Variants in THSD4 observed in about 807,000 individuals in gnomAD.
The protein encoded by THSD4 is thrombospondin type 1 domain containing 4, also known as thrombospondin type-1 domain-containing protein 4.
Under a neutral mutation model 119.0 loss-of-function variants are expected in THSD4, and 69 were observed. The observed-to-expected ratio is 0.58, with a 90% CI of 0.48 to 0.71. The LOEUF (loss-of-function observed/expected upper bound fraction) is 0.71, where lower values mean the gene tolerates loss of function less well. Ranked by LOEUF, THSD4 falls within the 30% of genes least tolerant of loss-of-function variation. THSD4 has a pLI of 0.00. For synonymous variants in THSD4, 524 were observed against 540.4 expected, an observed-to-expected ratio of 0.97 and a Z score of 0.42; for missense variants, 1,393 against 1,391.1, an observed-to-expected ratio of 1.00 and a Z score of -0.02.
intron 6 of THSD4, among the ~76,000 whole-genome samples, chr15:71,280,847 A>G (rs76149902): frequency 0.054 from 8,282 of 152,222 alleles, 516 homozygotes; most frequent in African/African-American, 0.15. Context: ...CTGTGAATGG[A>G]CTACATTACT....
chr15:71,111,912 G>A (rs1287343345), upstream of THSD4: 9 of 563,018 alleles, frequency 1.6e-5, no homozygotes, highest in East Asian at 3.0e-5. Context: ...AGGATTCCAC[G>A]TCAAATACAT....
At chr15:71,281,659 G>T (rs535030388) in intron 6 of THSD4, among the ~76,000 whole-genome samples, 3 of 152,176 alleles carry the variant, frequency 2.0e-5, no homozygotes, top group Non-Finnish European at 4.4e-5. Flanking sequence ...AATTCAGTGC[G>T]TATGACTGTT....
chr15:71,477,550 G>C (rs1354732649), intron 7 of THSD4, among the ~76,000 whole-genome samples: 1 of 152,208 alleles, frequency 6.6e-6, no homozygotes, highest in Non-Finnish European at 1.5e-5. Flanking sequence ...TATGCTGCAT[G>C]TTATGGAAAA....
chr15:71,483,262 A>T (rs998903534), intron 7 of THSD4, among the ~76,000 whole-genome samples: 1 of 152,136 alleles, frequency 6.6e-6, no homozygotes, highest in African/African-American at 2.4e-5. Flanking sequence ...CAATACCTCA[A>T]TTCTTCTTGA....
intron 7 of THSD4, among the ~76,000 whole-genome samples, chr15:71,523,101 G>T (rs947329514): frequency 2.6e-5 from 4 of 152,204 alleles, no homozygotes; most frequent in African/African-American, 9.6e-5. Flanking sequence ...TGAGTAAAAA[G>T]ATGTGATAAC....
chr15:71,271,348 T>A (rs1567177010), intron 6 of THSD4, among the ~76,000 whole-genome samples: 1 of 152,198 alleles, frequency 6.6e-6, no homozygotes, highest in Non-Finnish European at 1.5e-5. Flanking sequence ...AAAAACTTTA[T>A]GTTGAGCAAA....
chr15:71,445,565 G>T lies in THSD4; in HGVS notation c.1152+33742G>T, dbSNP rs573905484. The stretch of plus-strand genomic sequence containing the variant: ...TCTCACAACCTCAGAGTGCAGATGT[G>T]TCACATTTACAGAAGCACCAGCAAA... On this transcript the variant is annotated intron_variant, in intron 7 of 17. Coordinates refer to ENST00000261862, the MANE Select transcript of THSD4 (RefSeq NM_024817.3). Among the ~76,000 whole-genome samples, 7 of 152,282 alleles carry T rather than the reference G, an allele frequency of 4.6e-5. No individual in the cohort carries two copies. In the South Asian group the frequency reaches 1.5e-3, roughly 32 times the overall value.
chr15:71,571,115 T>C (rs1484011446), intron 7 of THSD4, among the ~76,000 whole-genome samples: 3 of 152,192 alleles, frequency 2.0e-5, no homozygotes, highest in African/African-American at 4.8e-5. Flanking sequence ...CATGTTTCAT[T>C]GTTCCTTCCT....
intron 7 of THSD4, among the ~76,000 whole-genome samples, chr15:71,652,292 A>C (rs2051107134): frequency 6.6e-6 from 1 of 152,160 alleles, no homozygotes; most frequent in African/African-American, 2.4e-5. Context: ...GACACTAAAA[A>C]ATTACAATAA....
intron 6 of THSD4, among the ~76,000 whole-genome samples, chr15:71,327,381 T>G (rs1003218188): frequency 6.6e-6 from 1 of 152,172 alleles, no homozygotes; most frequent in East Asian, 1.9e-4. Flanking sequence ...GAACCTCCCT[T>G]GGGAAGCCTT....
At chr15:71,356,821 A>C (rs1202142134) in intron 6 of THSD4, among the ~76,000 whole-genome samples, 1 of 151,874 alleles carries the variant, frequency 6.6e-6, no homozygotes, top group Non-Finnish European at 1.5e-5. Context: ...CCCTCCCCCG[A>C]CTTTCTTCAC....
chr15:71,562,404 A>T (rs895001733), intron 7 of THSD4, among the ~76,000 whole-genome samples: 76 of 152,286 alleles, frequency 5.0e-4, no homozygotes, highest in African/African-American at 1.8e-3. Flanking sequence ...GGGTGAAACC[A>T]TGCCTCCTCA....
chr15:71,389,203 T>C (rs918482444), intron 6 of THSD4, among the ~76,000 whole-genome samples: 1 of 152,164 alleles, frequency 6.6e-6, no homozygotes, highest in African/African-American at 2.4e-5. Flanking sequence ...TTAAGTACAT[T>C]CACATTGTTG....
intron 3 of THSD4, among the ~76,000 whole-genome samples, chr15:71,160,494 ATATGC>A (rs1160530489): frequency 6.6e-6 from 1 of 151,932 alleles, no homozygotes; most frequent in Non-Finnish European, 1.5e-5. Context: ...CAACTTCCTT[ATATGC>A]TATTGATCTC....
chr15:71,494,657 G>C (rs77000665), intron 7 of THSD4, among the ~76,000 whole-genome samples: 2,611 of 152,048 alleles, frequency 0.017, 36 homozygotes, highest in Non-Finnish European at 0.026. Flanking sequence ...CAGGAAGAAG[G>C]GTGGCTTTAT....
At chr15:71,207,905 G>C (rs1038881654) in intron 3 of THSD4, among the ~76,000 whole-genome samples, 1 of 152,130 alleles carries the variant, frequency 6.6e-6, no homozygotes, top group African/African-American at 2.4e-5. Flanking sequence ...TATCATTTAG[G>C]GTTCTTTACT....
At chr15:71,202,680 T>C (rs2043813476) in intron 3 of THSD4, among the ~76,000 whole-genome samples, 2 of 152,318 alleles carry the variant, frequency 1.3e-5, no homozygotes, top group South Asian at 4.1e-4. Flanking sequence ...TAAAAAGCCC[T>C]TGAGGAATCT....
chr15:71,489,542 T>TCCAGAAGTG (rs548966811), intron 7 of THSD4, among the ~76,000 whole-genome samples: 96 of 152,248 alleles, frequency 6.3e-4, no homozygotes, highest in Non-Finnish European at 1.0e-3. Flanking sequence ...CCCCTCACAC[T>TCCAGAAGTG]CCAGAAGTGC....
At chr15:71,374,481 G>A (rs1039795071) in intron 6 of THSD4, among the ~76,000 whole-genome samples, 1 of 152,202 alleles carries the variant, frequency 6.6e-6, no homozygotes, top group African/African-American at 2.4e-5. Context: ...AGAAGGGGAT[G>A]TGGTAAGAAA....
Sources: gnomAD v4.1 joint callset for allele counts (sites outside exome capture counted in the v4.1 genomes callset) on GRCh38, gnomAD v4.1.1 for gene constraint, MANE v1.5 for transcripts, NCBI Gene and HGNC (gene_info 2026-07-23, HGNC 2026-07-21) for gene names.